SVEP1: variants seen among roughly 807,000 people sequenced by gnomAD.
SVEP1 encodes sushi, von Willebrand factor type A, EGF and pentraxin domain-containing protein 1.
A neutral mutation model predicts 367.3 loss-of-function variants in SVEP1; 164 were observed. The observed-to-expected ratio is 0.45, with a 90% confidence interval of 0.39 to 0.51. The LOEUF is 0.51. Ranked by LOEUF, SVEP1 falls within the 20% of genes least tolerant of loss-of-function variation. SVEP1 has a pLI of 0.00. For missense variants in SVEP1, 4,117 were observed against 4,425.3 expected (o/e 0.93, Z 1.98); for synonymous variants, 1,666 against 1,611.6 (o/e 1.03, Z -0.81).
chr9:110,499,476 T>C (rs1829499726), intron 6 of SVEP1, among the ~76,000 whole-genome samples: 1 of 152,240 alleles, frequency 6.6e-6, no homozygotes, highest in South Asian at 2.1e-4. Flanking sequence ...AAACTTCTGA[T>C]ATTTTAATTA....
At chr9:110,450,435 T>G (rs1247425562) in intron 23 of SVEP1, among the ~76,000 whole-genome samples, 175 bp from the exon 24 acceptor site, 1 of 151,842 alleles carries the variant, frequency 6.6e-6, no homozygotes, top group Non-Finnish European at 1.5e-5. Context: ...TTGTAAGTCA[T>G]TTTTTTGTGG....
At position 110,390,290 on chromosome 9, in the gene SVEP1, C is replaced by CG. The variant is rs1491514710; in HGVS notation, c.9823-704_9823-703insC. 8.5e-3 allele frequency among the ~76,000 whole-genome samples: 144 copies of CG among 16,870 alleles called. 7 individuals carry two copies. Among genetic ancestry groups the CG allele is most frequent in the Non-Finnish European group, 0.014 (109 of 7,890 alleles). 11.1% of individuals were successfully genotyped at this position (16,870 alleles called of 152,430 possible). ...ATATATATACTTATATATATACATA[C>CG]TTATATATACTTATATAAGTATGTG... On this transcript the variant is annotated intron_variant, in intron 40 of 47. Transcript: ENST00000374469.
intron 1 of SVEP1, among the ~76,000 whole-genome samples, chr9:110,567,830 G>A (rs1456147829): frequency 1.3e-5 from 2 of 152,130 alleles, no homozygotes; most frequent in Admixed American, 6.5e-5. Flanking sequence ...TCCCCTGCCA[G>A]CATCTGCATC....
At position 110,503,173 on chromosome 9, in the gene SVEP1, T is replaced by C. The variant is rs1178567095; in HGVS notation, c.1348A>G (p.Ser450Gly). Residue 450 changes from serine (S) to glycine (G), a missense_variant, in exon 6 of 48, where the codon AGC becomes GGC. Coordinates refer to ENST00000374469, the MANE Select transcript of SVEP1 (RefSeq NM_153366.4). ...TATAACATTTCCCTTGTAGAACAGC[T>C]GATGTGGCCATGTTTCGGCTGGCGG... ...HLRQPKHGHI[S>G]CSTREMLYKT... 4 of 1,613,864 alleles carry C rather than the reference T, an allele frequency of 2.5e-6. No homozygotes were observed. The East Asian group carries it at 6.7e-5, about 27-fold the overall frequency.
chr9:110,499,939 T>C (rs1829506836), intron 6 of SVEP1, among the ~76,000 whole-genome samples: 1 of 152,244 alleles, frequency 6.6e-6, no homozygotes, highest in African/African-American at 2.4e-5. Context: ...AATAGCTGAA[T>C]AAATAGCTAA....
intron 45 of SVEP1, among the ~76,000 whole-genome samples, chr9:110,376,227 G>A (rs1171673858): frequency 1.3e-5 from 2 of 152,108 alleles, no homozygotes; most frequent in Non-Finnish European, 2.9e-5. Context: ...CAAAGCTTGG[G>A]AAGCACTGGT....
intron 3 of SVEP1, among the ~76,000 whole-genome samples, chr9:110,524,214 C>G (rs182661364): frequency 1.2e-4 from 19 of 152,104 alleles, no homozygotes; most frequent in Non-Finnish European, 2.9e-5. Flanking sequence ...TTCTGCCAAA[C>G]ATTTGCCAAA....
Position 110,407,479 on chromosome 9 carries a change from G to A in SVEP1, c.8121C>T (p.Gly2707=). ...LICQEDGTWN[G]SAPSCISIEC... ...CAATTGAAATGCAGGATGGTGCACT[G>A]CCATTCCAAGTTCCATCTTCCTGGC... The change falls in exon 38 of 48, where the codon GGC becomes GGT. Residue 2707 remains glycine, a synonymous_variant. Coordinates refer to ENST00000374469, the MANE Select transcript of SVEP1 (RefSeq NM_153366.4). 6.2e-7 allele frequency: 1 copy of A among 1,613,980 alleles called. No homozygotes were observed. Among genetic ancestry groups the A allele is most frequent in the Non-Finnish European group, 8.5e-7 (1 of 1,179,892 alleles).
At chr9:110,430,107 C>A in intron 33 of SVEP1, 103 bp from the exon 34 acceptor site, 23 of 964,298 alleles carry the variant, frequency 2.4e-5, no homozygotes, top group Non-Finnish European at 2.9e-5. Context: ...TGTTTGTTTT[C>A]TTTTTTTTTT....
At chr9:110,449,798 C>T (rs1257328010) in intron 24 of SVEP1, among the ~76,000 whole-genome samples, 1 of 152,128 alleles carries the variant, frequency 6.6e-6, no homozygotes, top group Non-Finnish European at 1.5e-5. Context: ...AAGTATAGAA[C>T]GTTAGTTCCC....
intron 3 of SVEP1, among the ~76,000 whole-genome samples, chr9:110,530,532 T>C (rs1830004531): frequency 2.0e-5 from 3 of 151,942 alleles, no homozygotes; most frequent in Admixed American, 2.0e-4. Context: ...ATCAGTTTTT[T>C]GTTTTTGTTT....
chr9:110,395,909 C>G (rs1034086308), intron 40 of SVEP1, among the ~76,000 whole-genome samples: 1 of 151,816 alleles, frequency 6.6e-6, no homozygotes, highest in African/African-American at 2.4e-5. Flanking sequence ...TAATGGGAGA[C>G]TTTAACACCC....
intron 40 of SVEP1, among the ~76,000 whole-genome samples, chr9:110,399,482 G>A (rs1051801109): frequency 1.3e-5 from 2 of 151,936 alleles, no homozygotes; most frequent in Admixed American, 1.3e-4. Flanking sequence ...AAAACTTAAA[G>A]TATAATAATA....
chr9:110,367,658 C>T (rs944099722), intron 47 of SVEP1, among the ~76,000 whole-genome samples: 12 of 112,914 alleles, frequency 1.1e-4, no homozygotes, highest in African/African-American at 3.9e-4. Flanking sequence ...CAACATAATC[C>T]AACCTAGGAC....
intron 12 of SVEP1, among the ~76,000 whole-genome samples, chr9:110,479,988 T>C (rs1362386774): frequency 6.6e-6 from 1 of 152,194 alleles, no homozygotes; most frequent in Non-Finnish European, 1.5e-5. Context: ...TTTTGATATA[T>C]GATTCTTTAT....
intron 14 of SVEP1, among the ~76,000 whole-genome samples, chr9:110,474,061 C>T (rs1564153062): frequency 6.6e-6 from 1 of 152,174 alleles, no homozygotes; most frequent in African/African-American, 2.4e-5. Context: ...AGTACAATGG[C>T]ATGATCTCGG....
At chr9:110,414,800 G>A (rs568407480) in intron 36 of SVEP1, among the ~76,000 whole-genome samples, 16 of 151,778 alleles carry the variant, frequency 1.1e-4, no homozygotes, top group South Asian at 2.1e-4. Flanking sequence ...ATATTTAAAC[G>A]GCTGCAATTT....
chr9:110,576,626 A>G (rs555318759), intron 1 of SVEP1, among the ~76,000 whole-genome samples: 79 of 152,194 alleles, frequency 5.2e-4, no homozygotes, highest in African/African-American at 1.9e-3. Context: ...GAATCCAAAT[A>G]TAGAAGGCAT....
At chr9:110,450,287 G>A in intron 23 of SVEP1, 27 bp from the exon 24 acceptor site, 1 of 1,609,256 alleles carries the variant, frequency 6.2e-7, no homozygotes. Flanking sequence ...AAGAGAAACA[G>A]CCCAAATGAT....
Sources: allele counts gnomAD v4.1 joint callset (sites outside exome capture counted in the v4.1 genomes callset), GRCh38; gene constraint gnomAD v4.1.1; transcripts MANE v1.5; gene names NCBI Gene and HGNC (gene_info 2026-07-23, HGNC 2026-07-21).